The following UBE2D2 variants were observed in gnomAD, a reference collection of about 807,000 sequenced individuals.
The protein encoded by UBE2D2 is ubiquitin-conjugating enzyme E2 D2.
A neutral mutation model predicts 24.2 loss-of-function variants in UBE2D2; 2 were observed. The observed-to-expected ratio is 0.08, with a 90% confidence interval of 0.03 to 0.26. UBE2D2 has a LOEUF of 0.26. UBE2D2 is among the 10% of genes least tolerant of loss of function. UBE2D2 has a pLI of 1.00. For missense variants in UBE2D2, 44 were observed against 177.6 expected (o/e 0.25, Z 4.28); for synonymous variants, 58 against 56.5 (o/e 1.03, Z -0.12).
intron 1 of UBE2D2, among the ~76,000 whole-genome samples, chr5:139,578,198 G>A (rs543684821): frequency 2.6e-5 from 4 of 152,186 alleles, no homozygotes; most frequent in Non-Finnish European, 4.4e-5. Flanking sequence ...GAGATTCTCT[G>A]TGGAGTCGCT....
At chr5:139,591,122 C>A (rs1420965416) in intron 1 of UBE2D2, among the ~76,000 whole-genome samples, 1 of 143,582 alleles carries the variant, frequency 7.0e-6, no homozygotes, top group Non-Finnish European at 1.5e-5. Context: ...CTTTTTCTCT[C>A]TCTCTTTTTT....
At chr5:139,561,142 G>C (rs902498187), upstream of UBE2D2, 2 of 152,612 alleles carry the variant, frequency 1.3e-5, no homozygotes, top group African/African-American at 2.4e-5. Flanking sequence ...TCGCGCTCTA[G>C]ATCTCGCGAG....
chr5:139,596,503 A>T (rs1243332787), intron 1 of UBE2D2, among the ~76,000 whole-genome samples: 1 of 151,704 alleles, frequency 6.6e-6, no homozygotes, highest in Non-Finnish European at 1.5e-5. Context: ...CATGTTGGTC[A>T]TGCTGGTCTC....
chr5:139,533,442 A>G (rs1693281500), intron 1 of UBE2D2, among the ~76,000 whole-genome samples: 1 of 152,112 alleles, frequency 6.6e-6, no homozygotes, highest in Non-Finnish European at 1.5e-5. Context: ...ACCTGAGGTC[A>G]GGAGTTCAAG....
chr5:139,538,765 C>T (rs1026223616), intron 1 of UBE2D2, among the ~76,000 whole-genome samples: 9 of 151,720 alleles, frequency 5.9e-5, no homozygotes, highest in African/African-American at 1.9e-4. Flanking sequence ...CCCAGCTACT[C>T]CAGAGGCTGA....
At chr5:139,551,221 T>C (rs1752917388) in intron 1 of UBE2D2, among the ~76,000 whole-genome samples, 1 of 152,100 alleles carries the variant, frequency 6.6e-6, no homozygotes, top group Admixed American at 6.6e-5. Context: ...TGGTGGGTGC[T>C]TGTAATTCCA....
At chr5:139,620,635 G>C (rs1024951256) in intron 5 of UBE2D2, among the ~76,000 whole-genome samples, 8 of 152,162 alleles carry the variant, frequency 5.3e-5, no homozygotes, top group Non-Finnish European at 1.2e-4. Context: ...TTAAGGCAAG[G>C]AAATAGCATT....
intron 2 of UBE2D2, among the ~76,000 whole-genome samples, chr5:139,610,328 G>A (rs560571847): frequency 6.6e-6 from 1 of 150,440 alleles, no homozygotes; most frequent in South Asian, 2.1e-4. Flanking sequence ...GGATCATAAG[G>A]TCAGGAGTTT....
At chr5:139,602,538 C>T (rs1450337342) in intron 2 of UBE2D2, among the ~76,000 whole-genome samples, 1 of 151,930 alleles carries the variant, frequency 6.6e-6, no homozygotes, top group Non-Finnish European at 1.5e-5. Context: ...ATTAGCCTGG[C>T]CTGGTGGTGC....
chr5:139,561,538 CGGCGGCGGCGGT>C lies in UBE2D2; in HGVS notation c.-247_-236del. On this transcript the variant is annotated 5_prime_UTR_variant, in exon 1 of 7. Coordinates refer to ENST00000398733, the MANE Select transcript of UBE2D2 (RefSeq NM_003339.3). ...TCCTGGGAGGAAGAGGCAGCTACGGCGGCGGCGGCGGTGGCGGCTAGGGCGGCGGCGAATAAA... is the reference window on the plus strand; with the variant it reads ...TCCTGGGAGGAAGAGGCAGCTACGGCGGCGGCTAGGGCGGCGGCGAATAAA... The C allele has an allele frequency of 2.4e-6, 1 of 416,446 alleles. No homozygotes were observed. Among genetic ancestry groups the C allele is most frequent in the Non-Finnish European group, 4.2e-6 (1 of 236,326 alleles). The allele number at this position is 416,446 out of a possible 1,614,324, so 25.8% of individuals were successfully genotyped here. A position where few individuals can be genotyped will look rare whatever the true frequency, so the allele number is the denominator to read the frequency against.
At chr5:139,574,633 T>C (rs1231200746) in intron 1 of UBE2D2, among the ~76,000 whole-genome samples, 1 of 151,612 alleles carries the variant, frequency 6.6e-6, no homozygotes, top group Non-Finnish European at 1.5e-5. Flanking sequence ...TGAACTCTCC[T>C]GGGCAAAGTT....
chr5:139,539,178 C>T (rs1281350387), intron 1 of UBE2D2, among the ~76,000 whole-genome samples: 1 of 151,906 alleles, frequency 6.6e-6, no homozygotes, highest in Non-Finnish European at 1.5e-5. Flanking sequence ...GCGCCCACCA[C>T]CACGACCAGC....
At chr5:139,533,786 CTT>C (rs35051568) in intron 1 of UBE2D2, among the ~76,000 whole-genome samples, 9 of 145,272 alleles carry the variant, frequency 6.2e-5, no homozygotes, top group South Asian at 2.2e-4. Context: ...TAAAAAACAT[CTT>C]TTTTTTTTTT....
Position 139,590,782 on chromosome 5 carries a change from C to CTTTTTTTTTTT in UBE2D2, c.25-9570_25-9560dup, listed in dbSNP as rs57962602. Among the ~76,000 whole-genome samples, 104 of 38,420 alleles carry CTTTTTTTTTTT rather than the reference C, an allele frequency of 2.7e-3. 10 individuals carry two copies. The highest frequency in any genetic ancestry group is 0.031 in the Middle Eastern group (1 of 32). 25.2% of individuals were successfully genotyped at this position (38,420 alleles called of 152,430 possible). On this transcript the variant is annotated intron_variant, in intron 1 of 6. Transcript: ENST00000398733. Reference sequence around the variant, plus strand: ...TTCATGGTGGGTATTTTCTCTTCTTCTTTTTTTTTTTTTTTTTTTTTTTTT... The same window carrying CTTTTTTTTTTT: ...TTCATGGTGGGTATTTTCTCTTCTTCTTTTTTTTTTTTTTTTTTTTTTTTTTTTTTTTTTTT...
chr5:139,561,666 T>A lies in UBE2D2; in HGVS notation c.-126T>A. On this transcript the variant is annotated 5_prime_UTR_variant, in exon 1 of 7. Transcript: ENST00000398733. ...TCAGCCCGTCCCGCCGGACCCGCTT[T>A]CCTCAACTCTCCATCTTCTCCTGCC... 1.5e-6 allele frequency: 1 copy of A among 682,186 alleles called. No individual in the cohort carries two copies. Among genetic ancestry groups the A allele is most frequent in the Admixed American group, 4.2e-5 (1 of 23,740 alleles). The allele number at this position is 682,186 out of a possible 1,614,324, so 42.3% of individuals were successfully genotyped here. A position where few individuals can be genotyped will look rare whatever the true frequency, so the allele number is the denominator to read the frequency against.
At chr5:139,544,816 T>G (rs966231852) in intron 1 of UBE2D2, among the ~76,000 whole-genome samples, 3 of 151,350 alleles carry the variant, frequency 2.0e-5, no homozygotes, top group Non-Finnish European at 4.4e-5. Flanking sequence ...CTTGCTCTTT[T>G]GCCAGGCTGG....
upstream of UBE2D2, among the ~76,000 whole-genome samples, chr5:139,559,089 G>A (rs76675031): frequency 6.6e-6 from 1 of 151,962 alleles, no homozygotes; most frequent in Non-Finnish European, 1.5e-5. Flanking sequence ...GCGTGTCCAG[G>A]AGCTTTTCTA....
Position 139,582,314 on chromosome 5 carries a change from G to C in UBE2D2, c.25-18058G>C, listed in dbSNP as rs191232019. The stretch of plus-strand genomic sequence containing the variant: ...GTTTTGCTCTGTTGCCCAGGCCGGA[G>C]TGCAGTGGTATGATCTTAGCTCACT... On this transcript the variant is annotated intron_variant, in intron 1 of 6. Coordinates refer to ENST00000398733, the MANE Select transcript of UBE2D2 (RefSeq NM_003339.3). Among the ~76,000 whole-genome samples the C allele has an allele frequency of 2.6e-5, 4 of 151,728 alleles. No homozygotes were observed. The East Asian group carries it at 7.8e-4, about 29-fold the overall frequency.
chr5:139,589,607 G>A lies in UBE2D2; in HGVS notation c.25-10765G>A, dbSNP rs1753801812. Among the ~76,000 whole-genome samples, 7 of 152,126 alleles carry A rather than the reference G, an allele frequency of 4.6e-5. No homozygotes were observed. In the South Asian group the frequency reaches 1.4e-3, roughly 31 times the overall value. ...GTTTGTTTTGATGGAAACAATTATT[G>A]AAATGAAGGCTGTCTAGAGTTTTTA... is the stretch of plus-strand genomic sequence containing the variant. On this transcript the variant is annotated intron_variant, in intron 1 of 6. Transcript: ENST00000398733.
Sources: allele counts gnomAD v4.1 joint callset (sites outside exome capture counted in the v4.1 genomes callset), GRCh38; gene constraint gnomAD v4.1.1; transcripts MANE v1.5; gene names NCBI Gene and HGNC (gene_info 2026-07-23, HGNC 2026-07-21).